CAMTA1: variants seen among roughly 807,000 people sequenced by gnomAD.
CAMTA1 encodes calmodulin binding transcription activator 1.
In CAMTA1, 27 loss-of-function variants were observed where a neutral mutation model predicts 170.9. The ratio of observed to expected loss-of-function variants is 0.16; its 90% CI spans 0.12 to 0.22. The LOEUF (loss-of-function observed/expected upper bound fraction) is 0.22, where lower values mean the gene tolerates loss of function less well. CAMTA1 is among the 10% of genes least tolerant of loss of function. CAMTA1 has a pLI of 1.00. For synonymous variants in CAMTA1, 833 were observed against 891.5 expected (o/e 0.93, Z 1.17); for missense variants, 1,619 against 2,217.2 (o/e 0.73, Z 5.42).
chr1:6,971,225 C>T lies in CAMTA1; in HGVS notation c.235-120079C>T, dbSNP rs1038235500. ...GATGGGCCTCGCTCCTCATGCTCCCCACTCCTGATGAGTAATTACACGTGG... is the reference window on the plus strand; with the variant it reads ...GATGGGCCTCGCTCCTCATGCTCCCTACTCCTGATGAGTAATTACACGTGG... On this transcript the variant is annotated intron_variant, in intron 3 of 22. Transcript: ENST00000303635. The surrounding 1 kb of genome is among the most constrained non-coding windows in gnomAD (Gnocchi z 4.6). Among the ~76,000 whole-genome samples, 15 of 152,194 alleles carry T rather than the reference C, an allele frequency of 9.9e-5. No individual in the cohort carries two copies. Among genetic ancestry groups the T allele is most frequent in the Non-Finnish European group, 2.1e-4 (14 of 68,026 alleles).
chr1:7,370,931 A>ATTTTTTTT (rs2086402729), intron 5 of CAMTA1, among the ~76,000 whole-genome samples: 5 of 113,562 alleles, frequency 4.4e-5, no homozygotes, highest in South Asian at 3.4e-4. Context: ...TTTTTTTTTG[A>ATTTTTTTT]GACGGAGTCT....
At position 7,680,887 on chromosome 1, in the gene CAMTA1, T is replaced by C. The variant is rs1036627143; in HGVS notation, c.2914+3154T>C. Among the ~76,000 whole-genome samples, 12 of 134,740 alleles carry C rather than the reference T, an allele frequency of 8.9e-5. No individual in the cohort carries two copies. Among genetic ancestry groups the C allele is most frequent in the Non-Finnish European group, 1.9e-4 (11 of 58,326 alleles). The allele number at this position is 134,740 out of a possible 152,430, so 88.4% of individuals were successfully genotyped here. On this transcript the variant is annotated intron_variant, in intron 11 of 22. Coordinates refer to ENST00000303635, the MANE Select transcript of CAMTA1 (RefSeq NM_015215.4). This position sits in a 1 kb window ranked among gnomAD's most constrained non-coding sequence, Gnocchi z 4.4. The stretch of plus-strand genomic sequence containing the variant: ...CAGCAGCAGCAGCAGCAGCAGCTGC[T>C]GCGGCGAAGTCTTTGTCCCCGCGGC...
Position 7,744,816 on chromosome 1 carries a change from T to G in CAMTA1, c.4183-19T>G, listed in dbSNP as rs373158714. The G allele has an allele frequency of 1.2e-6, 2 of 1,606,836 alleles. No individual in the cohort carries two copies. The highest frequency in any genetic ancestry group is 2.7e-5 in the African/African-American group (2 of 74,768). On this transcript the variant is annotated intron_variant, in intron 16 of 22. Coordinates refer to ENST00000303635, the MANE Select transcript of CAMTA1 (RefSeq NM_015215.4). ...AGGTTCCTTTCTAACCTGAGTGTTC[T>G]GTGAACTTCTGACTTCAGGTGAACA...
chr1:7,732,749 C>A lies in CAMTA1; in HGVS notation c.3066+150C>A. The stretch of plus-strand genomic sequence containing the variant: ...GAGGGAGTACTTTACGGTACCTGTG[C>A]TTTTAAGCATTATAATCTGTGCAGT... On this transcript the variant is annotated intron_variant, in intron 12 of 22. Coordinates refer to ENST00000303635, the MANE Select transcript of CAMTA1 (RefSeq NM_015215.4). This position sits in a 1 kb window ranked among gnomAD's most constrained non-coding sequence, Gnocchi z 4.1. The A allele has an allele frequency of 8.6e-7, 1 of 1,168,630 alleles. No homozygotes were observed. 72.4% of individuals were successfully genotyped at this position (1,168,630 alleles called of 1,614,324 possible).
intron 5 of CAMTA1, among the ~76,000 whole-genome samples, chr1:7,319,309 G>A (rs983101467): frequency 6.6e-6 from 1 of 152,138 alleles, no homozygotes; most frequent in Non-Finnish European, 1.5e-5. Flanking sequence ...GGGCCTGGTG[G>A]GAGGTGATTT....
In CAMTA1 at chr1:7,670,900, G is replaced by A. The variant is rs1363075586; in HGVS notation, c.2653-11G>A. The stretch of plus-strand genomic sequence containing the variant: ...ACACTCCAACTCTGTTCCCCTCTCT[G>A]TTCTCTGCAGGGAGGAGTGAAGGTC... On this transcript the variant is annotated splice_polypyrimidine_tract_variant and intron_variant, in intron 9 of 22. Coordinates refer to ENST00000303635, the MANE Select transcript of CAMTA1 (RefSeq NM_015215.4). The A allele has an allele frequency of 1.2e-6, 2 of 1,613,394 alleles. No individual in the cohort carries two copies. Among genetic ancestry groups the A allele is most frequent in the South Asian group, 2.2e-5 (2 of 91,048 alleles).
chr1:7,159,720 A>AAT (rs992842614), intron 4 of CAMTA1, among the ~76,000 whole-genome samples: 2 of 151,674 alleles, frequency 1.3e-5, no homozygotes, highest in African/African-American at 4.8e-5. Flanking sequence ...ATTAAAAAAA[A>AAT]TTTTTTTTGT....
chr1:6,952,055 C>T (rs1347805368), intron 3 of CAMTA1, among the ~76,000 whole-genome samples: 3 of 152,216 alleles, frequency 2.0e-5, no homozygotes, highest in Non-Finnish European at 4.4e-5. Flanking sequence ...CCGTCTGCAT[C>T]CCACTGTGCC....
At chr1:6,933,011 C>CTT (rs946146672) in intron 3 of CAMTA1, among the ~76,000 whole-genome samples, 2 of 147,272 alleles carry the variant, frequency 1.4e-5, no homozygotes, top group African/African-American at 2.5e-5. Flanking sequence ...TTTTTTAAAT[C>CTT]TTTTTTTTTT....
At chr1:6,804,176 C>CT (rs889875577) in intron 1 of CAMTA1, among the ~76,000 whole-genome samples, 1,426 of 116,420 alleles carry the variant, frequency 0.012, 24 homozygotes, top group African/African-American at 0.025. Flanking sequence ...GAGCGAAACT[C>CT]TTTTTTTTTT....
intron 19 of CAMTA1, 50 bp from the exon 20 acceptor site, chr1:7,751,149 C>A: frequency 7.0e-7 from 1 of 1,419,088 alleles, no homozygotes; most frequent in Non-Finnish European, 9.6e-7. Flanking sequence ...GACGCTGAGC[C>A]CGTGCAGCCC....
At position 7,585,825 on chromosome 1, in the gene CAMTA1, C is replaced by A. The variant is rs1452660664; in HGVS notation, c.511-54575C>A. On this transcript the variant is annotated intron_variant, in intron 6 of 22. Transcript: ENST00000303635. This position sits in a 1 kb window ranked among gnomAD's most constrained non-coding sequence, Gnocchi z 4.8. ...CCACCTCCAGCTTCCTGCTGCGGGG[C>A]CTTAGTAGACTCAGCCCCCACCTCC... is the stretch of plus-strand genomic sequence containing the variant. Among the ~76,000 whole-genome samples the A allele has an allele frequency of 1.3e-5, 2 of 151,922 alleles. No individual in the cohort carries two copies. Among genetic ancestry groups the A allele is most frequent in the African/African-American group, 4.8e-5 (2 of 41,264 alleles).
chr1:7,150,714 G>A (rs560329828), intron 4 of CAMTA1, among the ~76,000 whole-genome samples: 2 of 152,214 alleles, frequency 1.3e-5, no homozygotes, highest in Admixed American at 6.5e-5. Context: ...CAAGTATTGG[G>A]ATGTGCAGAA....
At position 7,732,297 on chromosome 1, in the gene CAMTA1, C is replaced by T. The variant is rs139204490; in HGVS notation, c.2915-151C>T. ...TGTGAGGTGGTGACAGATTCACGATCGTGCTGGGGAACTCTGGCTGGCGGA... is the reference window on the plus strand; with the variant it reads ...TGTGAGGTGGTGACAGATTCACGATTGTGCTGGGGAACTCTGGCTGGCGGA... On this transcript the variant is annotated intron_variant, in intron 11 of 22. Coordinates refer to ENST00000303635, the MANE Select transcript of CAMTA1 (RefSeq NM_015215.4). The surrounding 1 kb of genome is among the most constrained non-coding windows in gnomAD (Gnocchi z 4.1). 1.4e-4 allele frequency: 86 copies of T among 631,946 alleles called. No homozygotes were observed. The African/African-American group carries it at 1.4e-3, about 11-fold the overall frequency. The allele number at this position is 631,946 out of a possible 1,614,324, so 39.1% of individuals were successfully genotyped here. A position where few individuals can be genotyped will look rare whatever the true frequency, so the allele number is the denominator to read the frequency against.
chr1:7,175,802 C>T (rs186875824), intron 4 of CAMTA1, among the ~76,000 whole-genome samples: 1 of 152,372 alleles, frequency 6.6e-6, no homozygotes, highest in African/African-American at 2.4e-5. Context: ...GTCCTTTCAG[C>T]CCCCAGGTAT....
intron 6 of CAMTA1, among the ~76,000 whole-genome samples, chr1:7,552,871 C>T (rs547193207): frequency 3.3e-5 from 5 of 152,302 alleles, no homozygotes; most frequent in South Asian, 2.1e-4. Flanking sequence ...CCAAGGAGCA[C>T]GGAGCCGCAC....
intron 4 of CAMTA1, among the ~76,000 whole-genome samples, chr1:7,190,740 G>T (rs571891830): frequency 3.3e-5 from 5 of 152,292 alleles, no homozygotes; most frequent in Non-Finnish European, 7.4e-5. Flanking sequence ...GGCCACACAT[G>T]TTTTAGGTGC....
In CAMTA1 at chr1:6,785,514, T is replaced by C. The variant is rs1638877872; in HGVS notation, c.-17T>C. The C allele has an allele frequency of 2.9e-6, 3 of 1,043,738 alleles. No individual in the cohort carries two copies. Among genetic ancestry groups the C allele is most frequent in the African/African-American group, 1.8e-5 (1 of 54,768 alleles). 64.7% of individuals were successfully genotyped at this position (1,043,738 alleles called of 1,614,324 possible). On this transcript the variant is annotated 5_prime_UTR_variant, in exon 1 of 23. Transcript: ENST00000303635. ...ACGAGGCGCGCGCTCGGGGTCCCGG[T>C]CGCGAGGAGGAGGAGGATGTGGCGC...
chr1:7,139,302 TA>T (rs1452405456), intron 4 of CAMTA1, among the ~76,000 whole-genome samples: 9 of 98,636 alleles, frequency 9.1e-5, no homozygotes, highest in South Asian at 3.3e-4. Flanking sequence ...TTTATAAAAT[TA>T]TATAATATAT....
Sources: gnomAD v4.1 joint callset for allele counts (sites outside exome capture counted in the v4.1 genomes callset) on GRCh38, gnomAD v4.1.1 for gene constraint, Gnocchi (gnomAD v3.1) non-coding constraint, MANE v1.5 for transcripts, NCBI Gene and HGNC (gene_info 2026-07-23, HGNC 2026-07-21) for gene names.